Variants in PRIM2 observed in about 807,000 individuals in gnomAD.
PRIM2 encodes DNA primase subunit 2.
In PRIM2, 39 loss-of-function variants were observed where a neutral mutation model predicts 67.3. The observed-to-expected ratio is 0.58, with a 90% CI of 0.45 to 0.76. The LOEUF is 0.76. Ranked by LOEUF, PRIM2 falls within the 30% of genes least tolerant of loss-of-function variation. PRIM2 has a pLI of 0.00. For missense variants in PRIM2, 398 were observed against 598.7 expected (o/e 0.66, Z 3.50); for synonymous variants, 143 against 198.7 (o/e 0.72, Z 2.36).
chr6:57,484,914 CCA>C (rs1477877660), intron 7 of PRIM2, among the ~76,000 whole-genome samples: 2 of 152,088 alleles, frequency 1.3e-5, no homozygotes, highest in East Asian at 3.9e-4. Flanking sequence ...GTATTTGTTT[CCA>C]CCATTAGAAG....
chr6:57,495,715 A>C (rs1424419022), intron 7 of PRIM2, among the ~76,000 whole-genome samples: 1 of 152,118 alleles, frequency 6.6e-6, no homozygotes, highest in Non-Finnish European at 1.5e-5. Flanking sequence ...TCCACCTCCT[A>C]CACTCCACTC....
intron 12 of PRIM2, among the ~76,000 whole-genome samples, chr6:57,622,096 A>G (rs1776868217): frequency 6.6e-6 from 1 of 152,108 alleles, no homozygotes; most frequent in African/African-American, 2.4e-5. Context: ...GATTACAGCC[A>G]GTTTGTGTTA....
chr6:57,302,903 T>C, the PRIM2 span, among the ~76,000 whole-genome samples: 128,860 of 152,184 alleles, frequency 0.85, 54,750 homozygotes, highest in East Asian at 0.99. Context: ...CTATGAGTTG[T>C]GTTATAAATC....
At chr6:57,374,528 G>T (rs1484845402) in intron 5 of PRIM2, among the ~76,000 whole-genome samples, 3 of 150,914 alleles carry the variant, frequency 2.0e-5, no homozygotes, top group African/African-American at 7.3e-5. Flanking sequence ...TCCTGACCTC[G>T]TGATCCGCCC....
intron 7 of PRIM2, among the ~76,000 whole-genome samples, chr6:57,385,232 C>T (rs1770100430): frequency 1.3e-5 from 2 of 152,144 alleles, no homozygotes; most frequent in Admixed American, 1.3e-4. Flanking sequence ...TGCACCTAAG[C>T]TTTCTACCTT....
At chr6:57,530,609 G>A (rs1254041918) in intron 8 of PRIM2, among the ~76,000 whole-genome samples, 3 of 152,050 alleles carry the variant, frequency 2.0e-5, no homozygotes, top group Non-Finnish European at 4.4e-5. Context: ...GCATCTTCTG[G>A]TTTCCCTCAG....
chr6:57,403,450 G>A (rs1340211847), intron 7 of PRIM2, among the ~76,000 whole-genome samples: 1 of 151,470 alleles, frequency 6.6e-6, no homozygotes, highest in African/African-American at 2.4e-5. Flanking sequence ...TTTTAGTAGA[G>A]ACGGGGTTTC....
In PRIM2 at chr6:57,330,359, T is replaced by TG. The variant is rs1424011719; in HGVS notation, c.459+4314_459+4315insG. On this transcript the variant is annotated intron_variant, in intron 5 of 13. Coordinates refer to ENST00000615550, the MANE Select transcript of PRIM2 (RefSeq NM_000947.5). Reference sequence around the variant, plus strand: ...ACCTTGCTGAACTTGTTTTTTTTTTTTGTTTTTGTTTTTTTGTTTTTTTGT... The same window carrying TG: ...ACCTTGCTGAACTTGTTTTTTTTTTTGTGTTTTTGTTTTTTTGTTTTTTTGT... 2.5e-3 allele frequency among the ~76,000 whole-genome samples: 255 copies of TG among 103,386 alleles called. 3 individuals carry two copies. Among genetic ancestry groups the TG allele is most frequent in the Middle Eastern group, 4.5e-3 (1 of 220 alleles). 67.8% of individuals were successfully genotyped at this position (103,386 alleles called of 152,430 possible).
chr6:57,416,865 G>C (rs1402673615), intron 7 of PRIM2, among the ~76,000 whole-genome samples: 2 of 152,212 alleles, frequency 1.3e-5, no homozygotes, highest in East Asian at 1.9e-4. Context: ...TTAGGGGCTT[G>C]GTCTGGATTA....
At chr6:57,299,384 C>T in the PRIM2 span, among the ~76,000 whole-genome samples, 4 of 152,006 alleles carry the variant, frequency 2.6e-5, no homozygotes, top group African/African-American at 9.7e-5. Flanking sequence ...AAGGTCTTTC[C>T]CAACCTTGCA....
At chr6:57,366,115 A>G (rs1370664144) in intron 5 of PRIM2, among the ~76,000 whole-genome samples, 5 of 152,150 alleles carry the variant, frequency 3.3e-5, no homozygotes, top group Admixed American at 3.3e-4. Context: ...ATGTACCAGC[A>G]TGGAGGTGGG....
chr6:57,368,645 G>A (rs1340143326), intron 5 of PRIM2, among the ~76,000 whole-genome samples: 3 of 152,066 alleles, frequency 2.0e-5, no homozygotes, highest in African/African-American at 4.8e-5. Context: ...CACATTTTGG[G>A]GATGGGTATG....
At chr6:57,271,152 T>G in the PRIM2 span, among the ~76,000 whole-genome samples, 4 of 152,244 alleles carry the variant, frequency 2.6e-5, no homozygotes, top group Non-Finnish European at 1.5e-5. Flanking sequence ...TAAAATGAGT[T>G]AGGGAGGATT....
chr6:57,295,615 T>C, the PRIM2 span, among the ~76,000 whole-genome samples: 3 of 152,184 alleles, frequency 2.0e-5, no homozygotes, highest in African/African-American at 7.2e-5. Flanking sequence ...ATAAAATGTA[T>C]GGAGGTGATA....
At chr6:57,417,493 T>G (rs550267639) in intron 7 of PRIM2, among the ~76,000 whole-genome samples, 1 of 152,282 alleles carries the variant, frequency 6.6e-6, no homozygotes, top group Admixed American at 6.5e-5. Context: ...TAAAGGCCAT[T>G]GTGAGTTACT....
intron 12 of PRIM2, among the ~76,000 whole-genome samples, chr6:57,624,701 T>C (rs1776916683): frequency 6.6e-6 from 1 of 152,234 alleles, no homozygotes; most frequent in Non-Finnish European, 1.5e-5. Flanking sequence ...GTATTCCATT[T>C]ACTGTTCAAG....
intron 10 of PRIM2, among the ~76,000 whole-genome samples, chr6:57,566,020 A>G (rs1775731372): frequency 2.0e-5 from 3 of 150,150 alleles, no homozygotes; most frequent in African/African-American, 7.3e-5. Flanking sequence ...TCTTTTAGTA[A>G]TCCCTTACCT....
intron 12 of PRIM2, among the ~76,000 whole-genome samples, chr6:57,621,617 T>G (rs1213787912): frequency 6.6e-6 from 1 of 152,234 alleles, no homozygotes; most frequent in Non-Finnish European, 1.5e-5. Context: ...CCCCCTCATA[T>G]TGTTGTCACA....
chr6:57,446,418 C>CTTTTTTTTTTTTTTT (rs397958660), intron 7 of PRIM2, among the ~76,000 whole-genome samples: 869 of 83,734 alleles, frequency 0.01, 170 homozygotes, highest in African/African-American at 0.027. Flanking sequence ...CACGCCACTT[C>CTTTTTTTTTTTTTTT]TTTTTTTTTT....
Sources: gnomAD v4.1 joint callset for allele counts (sites outside exome capture counted in the v4.1 genomes callset) on GRCh38, gnomAD v4.1.1 for gene constraint, MANE v1.5 for transcripts, NCBI Gene and HGNC (gene_info 2026-07-23, HGNC 2026-07-21) for gene names.